CACNA2D3: variants seen among roughly 807,000 people sequenced by gnomAD.
CACNA2D3 encodes calcium voltage-gated channel auxiliary subunit alpha2delta 3.
Under a neutral mutation model 160.6 loss-of-function variants are expected in CACNA2D3, and 60 were observed. That is an observed-to-expected ratio of 0.37 (90% CI 0.30 to 0.46). CACNA2D3 has a LOEUF of 0.46. Among genes scored for constraint, CACNA2D3 ranks in the 20% least tolerant of loss-of-function variants. The probability of loss-of-function intolerance (pLI) is 1.00; values close to 1 mark genes in which losing one functional copy is unlikely to be tolerated. For synonymous variants in CACNA2D3, 558 were observed against 492.9 expected (o/e 1.13, Z -1.75); for missense variants, 1,205 against 1,365.0 (o/e 0.88, Z 1.85).
At chr3:54,677,389 C>G (rs11914973) in intron 11 of CACNA2D3, among the ~76,000 whole-genome samples, 37,482 of 152,008 alleles carry the variant, frequency 0.25, 4,944 homozygotes, top group African/African-American at 0.29. Context: ...GATATTTGAA[C>G]TAAGGCAAAA....
intron 35 of CACNA2D3, among the ~76,000 whole-genome samples, chr3:55,052,143 T>C (rs556280626): frequency 3.9e-5 from 6 of 152,258 alleles, no homozygotes; most frequent in African/African-American, 1.4e-4. Flanking sequence ...CACTTTTCAT[T>C]AAATTCAAAA....
chr3:54,425,067 C>T (rs374614953), intron 4 of CACNA2D3, among the ~76,000 whole-genome samples: 3 of 152,210 alleles, frequency 2.0e-5, no homozygotes, highest in South Asian at 2.1e-4. Flanking sequence ...CGGTGGCTCA[C>T]GCCTGTAATC....
intron 9 of CACNA2D3, among the ~76,000 whole-genome samples, chr3:54,582,567 C>G (rs890154608): frequency 5.3e-5 from 8 of 152,212 alleles, no homozygotes; most frequent in African/African-American, 1.7e-4. Context: ...GGCCAGTTGA[C>G]AGTTTCACTT....
chr3:54,548,823 C>T (rs1183853939), intron 5 of CACNA2D3, among the ~76,000 whole-genome samples: 1 of 152,180 alleles, frequency 6.6e-6, no homozygotes, highest in Non-Finnish European at 1.5e-5. Context: ...CTTCAAATTC[C>T]CACTGTGTTG....
chr3:54,520,138 C>T (rs532126245), intron 5 of CACNA2D3, among the ~76,000 whole-genome samples: 15 of 152,324 alleles, frequency 9.8e-5, no homozygotes, highest in Admixed American at 9.2e-4. Flanking sequence ...ATAGATACTT[C>T]GGACTGAAGT....
In CACNA2D3 at chr3:54,223,987, C is replaced by G. The variant is rs942680348; in HGVS notation, c.205-96455C>G. On this transcript the variant is annotated intron_variant, in intron 2 of 37. Transcript: ENST00000474759. ...CAGCTTAAAACACAAACCTATTGTA[C>G]AGCTGTAAAAAATATTTTCCTTTTT... Among the ~76,000 whole-genome samples the G allele has an allele frequency of 3.3e-5, 5 of 151,998 alleles. 1 individual carries two copies. Among genetic ancestry groups the G allele is most frequent in the Non-Finnish European group, 7.4e-5 (5 of 68,010 alleles).
chr3:54,949,169 G>A (rs574235941), intron 27 of CACNA2D3, among the ~76,000 whole-genome samples: 17 of 152,302 alleles, frequency 1.1e-4, no homozygotes, highest in African/African-American at 3.6e-4. Context: ...CCTGGGGCTT[G>A]TTCTCCTTGA....
intron 11 of CACNA2D3, among the ~76,000 whole-genome samples, chr3:54,699,719 A>T (rs371222556): frequency 6.6e-6 from 1 of 152,152 alleles, no homozygotes; most frequent in South Asian, 2.1e-4. Flanking sequence ...TAACCACTCT[A>T]TGCCTCCGTT....
At chr3:54,822,853 T>TTTCC (rs1356998624) in intron 14 of CACNA2D3, among the ~76,000 whole-genome samples, 1 of 147,350 alleles carries the variant, frequency 6.8e-6, no homozygotes, top group African/African-American at 2.6e-5. Flanking sequence ...TCTTTCTTTC[T>TTTCC]TTCTTTCTTT....
In CACNA2D3 at chr3:54,449,626, C is replaced by T. The variant is rs111227472; in HGVS notation, c.382-53866C>T. ...AGGTTTCTCATGGTTTAACACCATC[C>T]CCCTTGGTGCTGTTGTTGAGATAGT... On this transcript the variant is annotated intron_variant, in intron 4 of 37. Transcript: ENST00000474759. 1.0e-3 allele frequency among the ~76,000 whole-genome samples: 153 copies of T among 152,158 alleles called. 1 individual carries two copies. The highest frequency in any genetic ancestry group is 2.0e-3 in the Non-Finnish European group (138 of 68,014).
At chr3:54,723,571 C>G (rs377724021) in intron 11 of CACNA2D3, among the ~76,000 whole-genome samples, 1 of 152,216 alleles carries the variant, frequency 6.6e-6, no homozygotes, top group African/African-American at 2.4e-5. Flanking sequence ...AATCATAGGA[C>G]AAGCACAGTT....
At chr3:54,444,163 C>A (rs1262004947) in intron 4 of CACNA2D3, among the ~76,000 whole-genome samples, 1 of 152,172 alleles carries the variant, frequency 6.6e-6, no homozygotes, top group Non-Finnish European at 1.5e-5. Context: ...AAAATATTAA[C>A]CAAGGTGCCC....
chr3:54,319,506 C>G (rs1343329130), intron 2 of CACNA2D3, among the ~76,000 whole-genome samples: 2 of 152,082 alleles, frequency 1.3e-5, no homozygotes, highest in Admixed American at 1.3e-4. Flanking sequence ...TGTTTGATAA[C>G]CAAATAAATG....
At chr3:54,310,691 G>T (rs912803810) in intron 2 of CACNA2D3, among the ~76,000 whole-genome samples, 1 of 152,084 alleles carries the variant, frequency 6.6e-6, no homozygotes, top group Non-Finnish European at 1.5e-5. Flanking sequence ...TTATTGTTGC[G>T]GCAAAAGAAT....
chr3:54,230,045 AT>A (rs1701741187), intron 2 of CACNA2D3, among the ~76,000 whole-genome samples: 1 of 152,156 alleles, frequency 6.6e-6, no homozygotes, highest in South Asian at 2.1e-4. Context: ...GCCAAAGGTA[AT>A]TTTAAGTTTA....
At chr3:54,916,974 C>G (rs1379812195) in intron 27 of CACNA2D3, among the ~76,000 whole-genome samples, 1 of 152,206 alleles carries the variant, frequency 6.6e-6, no homozygotes, top group Non-Finnish European at 1.5e-5. Flanking sequence ...CAATGTCTGT[C>G]ATGGCCTCTG....
chr3:54,123,600 G>A lies in CACNA2D3; in HGVS notation c.204+6G>A, dbSNP rs762362813. The A allele has an allele frequency of 9.3e-6, 15 of 1,610,890 alleles. No homozygotes were observed. Among genetic ancestry groups the A allele is most frequent in the Non-Finnish European group, 1.3e-5 (15 of 1,177,124 alleles). On this transcript the variant is annotated splice_donor_region_variant and intron_variant, in intron 2 of 37. Transcript: ENST00000474759. ...GTTCCCAGCTTCTGCAAAAGGTAAG[G>A]TTTCTGTGGTGGCAGGAAGCGATGA... is the stretch of plus-strand genomic sequence containing the variant.
intron 2 of CACNA2D3, among the ~76,000 whole-genome samples, chr3:54,271,938 C>T (rs1421025412): frequency 6.6e-6 from 1 of 152,216 alleles, no homozygotes; most frequent in Non-Finnish European, 1.5e-5. Flanking sequence ...GCAAAGTCCC[C>T]AGTGGCTTGG....
In CACNA2D3 at chr3:54,440,452, A is replaced by G. The variant is rs557949210; in HGVS notation, c.381+53678A>G. 2.8e-3 allele frequency among the ~76,000 whole-genome samples: 431 copies of G among 152,252 alleles called. 1 individual carries two copies. Among genetic ancestry groups the G allele is most frequent in the Non-Finnish European group, 5.1e-3 (349 of 68,024 alleles). On this transcript the variant is annotated intron_variant, in intron 4 of 37. Transcript: ENST00000474759. ...TCTGAATTGCAGACTTTTCAAGGGT[A>G]GGAATGGTGTCTTCTATTTCTTTTT... is the stretch of plus-strand genomic sequence containing the variant.
Sources: allele counts gnomAD v4.1 joint callset (sites outside exome capture counted in the v4.1 genomes callset), GRCh38; gene constraint gnomAD v4.1.1; transcripts MANE v1.5; gene names NCBI Gene and HGNC (gene_info 2026-07-23, HGNC 2026-07-21).